The following WDR48 variants were observed in gnomAD, a reference collection of about 807,000 sequenced individuals.
The protein encoded by WDR48 is WD repeat-containing protein 48.
WDR48 carries 22 observed loss-of-function variants against 94.0 expected under a neutral mutation model. The ratio of observed to expected loss-of-function variants is 0.23; its 90% CI spans 0.17 to 0.33. The LOEUF is 0.33. WDR48 is among the 10% of genes least tolerant of loss of function. WDR48 has a pLI of 1.00. For missense variants in WDR48, 541 were observed against 813.8 expected (o/e 0.66, Z 4.08); for synonymous variants, 278 against 280.5 (o/e 0.99, Z 0.09).
At chr3:39,061,790 C>T (rs201645610) in intron 1 of WDR48, among the ~76,000 whole-genome samples, 5,267 of 152,076 alleles carry the variant, frequency 0.035, 183 homozygotes, top group East Asian at 0.16. Context: ...ATGACTGCCA[C>T]TCTAACTGGC....
At position 39,091,638 on chromosome 3, in the gene WDR48, A is replaced by G. The variant is rs139870313; in HGVS notation, c.1682A>G (p.Lys561Arg). The G allele has an allele frequency of 5.2e-4, 838 of 1,605,432 alleles. 11 individuals are homozygous for G. Among genetic ancestry groups the G allele is most frequent in the Non-Finnish European group, 9.3e-5 (110 of 1,177,478 alleles). ...IDITVDKNMP[K>R]FNKIPFYLQP... ...TTACTGTTTCAGAAAAATATGCCCA[A>G]ATTCAACAAAATTCCTTTCTACCTC... Residue 561 changes from lysine to arginine, a missense_variant, in exon 17 of 19, where the codon AAA becomes AGA. Physicochemically the swap from Lys to Arg is conservative, Grantham distance 26 (BLOSUM62 2). This residue lies in a region of WDR48 where 109 missense variants were observed against 195.5 expected (regional missense o/e 0.56). Transcript: ENST00000302313.
intron 1 of WDR48, among the ~76,000 whole-genome samples, chr3:39,053,875 A>G (rs1224989463): frequency 6.6e-6 from 1 of 152,224 alleles, no homozygotes; most frequent in Non-Finnish European, 1.5e-5. Context: ...GAGGCAGGTG[A>G]TAGATAATTC....
chr3:39,074,246 G>A (rs1237667078), intron 7 of WDR48, among the ~76,000 whole-genome samples: 1 of 152,190 alleles, frequency 6.6e-6, no homozygotes, highest in Admixed American at 6.5e-5. Flanking sequence ...AGGTAGAGAG[G>A]ACAAAGGCAG....
intron 7 of WDR48, among the ~76,000 whole-genome samples, chr3:39,071,217 T>C (rs2033918364): frequency 6.6e-6 from 1 of 152,204 alleles, no homozygotes; most frequent in East Asian, 1.9e-4. Context: ...GTTTATATAG[T>C]TGGTGAGAGT....
chr3:39,071,838 G>T (rs2033951383), intron 7 of WDR48, among the ~76,000 whole-genome samples: 1 of 152,062 alleles, frequency 6.6e-6, no homozygotes, highest in Non-Finnish European at 1.5e-5. Flanking sequence ...CTGCTTATTT[G>T]GGAAAAAGAG....
chr3:39,089,870 A>G (rs1265607783), intron 16 of WDR48: 1 of 152,258 alleles, frequency 6.6e-6, no homozygotes, highest in African/African-American at 2.4e-5. Flanking sequence ...TCTACTGTAT[A>G]AATGTACCAT....
At chr3:39,063,319 G>A in intron 2 of WDR48, 129 bp downstream of exon 2, 1 of 1,191,860 alleles carries the variant, frequency 8.4e-7, no homozygotes, top group Non-Finnish European at 1.1e-6. Flanking sequence ...ACTCTATAAA[G>A]ACATCGCAAC....
intron 16 of WDR48, chr3:39,089,751 T>C (rs1322552709): frequency 6.6e-6 from 1 of 152,412 alleles, no homozygotes; most frequent in African/African-American, 2.4e-5. Flanking sequence ...TATACTGTTC[T>C]GCAACTTTTT....
Position 39,084,051 on chromosome 3 carries a change from TC to T in WDR48, c.1174-103del, listed in dbSNP as rs1466093331. 5 of 722,962 alleles carry T rather than the reference TC, an allele frequency of 6.9e-6. No homozygotes were observed. The African/African-American group carries it at 8.9e-5, about 13-fold the overall frequency. The allele number at this position is 722,962 out of a possible 1,614,324, so 44.8% of individuals were successfully genotyped here. A position where few individuals can be genotyped will look rare whatever the true frequency, so the allele number is the denominator to read the frequency against. On this transcript the variant is annotated intron_variant, in intron 11 of 18. Coordinates refer to ENST00000302313, the MANE Select transcript of WDR48 (RefSeq NM_020839.4). ...TTTTTGAAATGTATTTTAGACTGTT[TC>T]ACTTAGACACATGTGAAAATATGTA... is the stretch of plus-strand genomic sequence containing the variant.
At chr3:39,075,395 C>T (rs2034168391) in intron 8 of WDR48, among the ~76,000 whole-genome samples, 1 of 151,988 alleles carries the variant, frequency 6.6e-6, no homozygotes, top group Admixed American at 6.6e-5. Flanking sequence ...GAGCAGACAA[C>T]AAAGCAGAGG....
chr3:39,060,860 A>G (rs1017819984), intron 1 of WDR48, among the ~76,000 whole-genome samples: 6 of 152,114 alleles, frequency 3.9e-5, no homozygotes, highest in African/African-American at 1.4e-4. Context: ...CCAGCTACTC[A>G]GGAGGCTGAG....
chr3:39,052,757 T>C (rs1476149050), intron 1 of WDR48, among the ~76,000 whole-genome samples: 1 of 152,270 alleles, frequency 6.6e-6, no homozygotes, highest in East Asian at 1.9e-4. Flanking sequence ...TAAAGAGTTG[T>C]CTAATCTTAC....
intron 1 of WDR48, among the ~76,000 whole-genome samples, chr3:39,058,540 G>T (rs1279832964): frequency 6.6e-6 from 1 of 152,200 alleles, no homozygotes; most frequent in Non-Finnish European, 1.5e-5. Flanking sequence ...CACAGTCTCA[G>T]TTAAAGGAAA....
Position 39,095,811 on chromosome 3 carries a change from A to C in WDR48, c.*1068A>C, listed in dbSNP as rs1357970397. The C allele has an allele frequency of 6.6e-6, 1 of 152,660 alleles. No individual in the cohort carries two copies. Among genetic ancestry groups the C allele is most frequent in the Non-Finnish European group, 1.5e-5 (1 of 68,040 alleles). 9.5% of individuals were successfully genotyped at this position (152,660 alleles called of 1,614,324 possible). On this transcript the variant is annotated 3_prime_UTR_variant, in exon 19 of 19. Coordinates refer to ENST00000302313, the MANE Select transcript of WDR48 (RefSeq NM_020839.4). ...TCATAGAATCATTTGGATCTTGTAT[A>C]GAGTGTAACTTATTGGGGATAAACA...
At chr3:39,060,154 G>T (rs2033161161) in intron 1 of WDR48, among the ~76,000 whole-genome samples, 1 of 151,990 alleles carries the variant, frequency 6.6e-6, no homozygotes, top group African/African-American at 2.4e-5. Flanking sequence ...TGTATATTCG[G>T]AAAGTTGTTT....
At chr3:39,071,091 A>T (rs1012997892) in intron 7 of WDR48, among the ~76,000 whole-genome samples, 6 of 152,154 alleles carry the variant, frequency 3.9e-5, no homozygotes, top group African/African-American at 1.4e-4. Flanking sequence ...ATTGTTGGAT[A>T]TTTGGGCTGG....
intron 18 of WDR48, 101 bp from the exon 19 acceptor site, chr3:39,094,547 G>A: frequency 6.4e-7 from 1 of 1,555,236 alleles, no homozygotes; most frequent in Non-Finnish European, 8.7e-7. Context: ...CATAGGGGAG[G>A]AGTGAGCAAG....
intron 5 of WDR48, among the ~76,000 whole-genome samples, chr3:39,067,110 G>T (rs2033654961): frequency 6.6e-6 from 1 of 152,136 alleles, no homozygotes; most frequent in African/African-American, 2.4e-5. Flanking sequence ...TTTTGTACGT[G>T]TGCATGTCTT....
At chr3:39,056,766 A>G (rs193261384) in intron 1 of WDR48, among the ~76,000 whole-genome samples, 221 of 152,348 alleles carry the variant, frequency 1.5e-3, no homozygotes, top group African/African-American at 5.1e-3. Flanking sequence ...CTTTTCTTAT[A>G]TTACTTTCTT....
Sources: allele counts gnomAD v4.1 joint callset (sites outside exome capture counted in the v4.1 genomes callset), GRCh38; gene constraint gnomAD v4.1.1; regional missense constraint gnomAD v4.1.1; transcripts MANE v1.5; gene names NCBI Gene and HGNC (gene_info 2026-07-23, HGNC 2026-07-21).